Variants in AQP9 observed in about 807,000 individuals in gnomAD.
The protein encoded by AQP9 is aquaporin-9.
A neutral mutation model predicts 23.8 loss-of-function variants in AQP9; 19 were observed. That is an observed-to-expected ratio of 0.80 (90% CI 0.56 to 1.17). The LOEUF (loss-of-function observed/expected upper bound fraction) is 1.17. Ranked by LOEUF, AQP9 falls within the 50% of genes most tolerant of loss-of-function variation. The probability of loss-of-function intolerance (pLI) is 0.00; values close to 1 mark genes in which losing one functional copy is unlikely to be tolerated. For missense variants in AQP9, 413 were observed against 362.0 expected (o/e 1.14, Z -1.14); for synonymous variants, 153 against 131.5 (o/e 1.16, Z -1.12).
intron 5 of AQP9, among the ~76,000 whole-genome samples, chr15:58,181,200 TC>T (rs1898881724): frequency 6.6e-6 from 1 of 152,228 alleles, no homozygotes; most frequent in Admixed American, 6.5e-5. Flanking sequence ...TCACCTAATG[TC>T]CCATGTCCTT....
At chr15:58,179,367 G>T in intron 5 of AQP9, 22 bp downstream of exon 5, 1 of 1,587,606 alleles carries the variant, frequency 6.3e-7, no homozygotes, top group South Asian at 1.1e-5. Flanking sequence ...TGGTGGGGAA[G>T]AGAGAGACAG....
intron 4 of AQP9, among the ~76,000 whole-genome samples, chr15:58,176,814 T>A (rs1221254094): frequency 1.3e-5 from 2 of 152,032 alleles, no homozygotes; most frequent in African/African-American, 4.8e-5. Context: ...TTTCACCATG[T>A]TGGCCAGACT....
intron 1 of AQP9, among the ~76,000 whole-genome samples, chr15:58,160,936 C>A (rs1430980603): frequency 1.3e-5 from 2 of 152,164 alleles, no homozygotes; most frequent in Non-Finnish European, 2.9e-5. Flanking sequence ...GCTCAAAGGG[C>A]TCCAAGTGAC....
intron 4 of AQP9, among the ~76,000 whole-genome samples, chr15:58,176,224 T>C (rs531633688): frequency 1.3e-5 from 2 of 152,168 alleles, no homozygotes; most frequent in South Asian, 2.1e-4. Flanking sequence ...CAAAATAAGA[T>C]ATAATTAGAC....
chr15:58,182,062 G>A (rs1481647523), intron 5 of AQP9, among the ~76,000 whole-genome samples: 1 of 152,146 alleles, frequency 6.6e-6, no homozygotes, highest in African/African-American at 2.4e-5. Context: ...GTGGAATGAT[G>A]GCAGGTACAG....
chr15:58,141,280 C>A (rs1897948461), intron 1 of AQP9, among the ~76,000 whole-genome samples: 1 of 152,184 alleles, frequency 6.6e-6, no homozygotes, highest in Non-Finnish European at 1.5e-5. Flanking sequence ...ATACAGAGCT[C>A]ATCTTATTGA....
intron 1 of AQP9, among the ~76,000 whole-genome samples, chr15:58,149,481 G>T (rs1898109040): frequency 6.6e-6 from 1 of 152,150 alleles, no homozygotes; most frequent in African/African-American, 2.4e-5. Flanking sequence ...CTAAGCTTTG[G>T]TTTCCTAGTT....
chr15:58,149,407 C>T (rs1257100507), intron 1 of AQP9, among the ~76,000 whole-genome samples: 1 of 152,186 alleles, frequency 6.6e-6, no homozygotes, highest in African/African-American at 2.4e-5. Flanking sequence ...AAATCATGTG[C>T]AGTCAAACCT....
intron 1 of AQP9, among the ~76,000 whole-genome samples, chr15:58,157,033 C>T (rs914552322): frequency 1.2e-4 from 19 of 152,090 alleles, no homozygotes; most frequent in Non-Finnish European, 1.8e-4. Flanking sequence ...TACAAACACA[C>T]ATATATATGT....
chr15:58,155,198 G>A (rs1309969927), intron 1 of AQP9: 3 of 152,116 alleles, frequency 2.0e-5, no homozygotes, highest in Admixed American at 6.5e-5. Context: ...TGAATAATTC[G>A]TTATCTTCGT....
At chr15:58,144,911 G>A (rs1898014496) in intron 1 of AQP9, among the ~76,000 whole-genome samples, 1 of 151,446 alleles carries the variant, frequency 6.6e-6, no homozygotes, top group Admixed American at 6.6e-5. Flanking sequence ...CTACTCAGGA[G>A]GCTGAGGCAG....
At chr15:58,145,139 G>C (rs1488911271) in intron 1 of AQP9, among the ~76,000 whole-genome samples, 1 of 151,140 alleles carries the variant, frequency 6.6e-6, no homozygotes, top group Admixed American at 6.6e-5. Flanking sequence ...TCTTCCTTAT[G>C]TCCTCCTATT....
At chr15:58,179,929 G>A (rs1402360176) in intron 5 of AQP9, among the ~76,000 whole-genome samples, 1 of 152,192 alleles carries the variant, frequency 6.6e-6, no homozygotes, top group African/African-American at 2.4e-5. Flanking sequence ...TGCCAGGGAA[G>A]CAGGGAAAGA....
rs142159680 is a variant in AQP9, at chr15:58,179,158, G to A, written c.526G>A (p.Val176Ile). 1,758 of 1,613,542 alleles carry A rather than the reference G, an allele frequency of 1.1e-3. 3 individuals are homozygous for A. The highest frequency in any genetic ancestry group is 1.3e-3 in the Non-Finnish European group (1,563 of 1,179,484). ...GGCCACCATGATACTCCTCATAATC[G>A]TCTTTGCCATCTTTGACTCCAGAAA... ...VVATMILLII[V>I]FAIFDSRNLG... Residue 176 changes from valine to isoleucine, a missense_variant, in exon 5 of 6, where the codon GTC (valine) becomes ATC (isoleucine). By Grantham distance (29) the Val-to-Ile change is conservative. Transcript: ENST00000219919.
chr15:58,168,369 A>G (rs1158351307), intron 2 of AQP9, among the ~76,000 whole-genome samples: 1 of 152,194 alleles, frequency 6.6e-6, no homozygotes, highest in African/African-American at 2.4e-5. Flanking sequence ...ACAATGCTCT[A>G]TTATGAGAAG....
At chr15:58,142,246 C>T (rs1426096081) in intron 1 of AQP9, among the ~76,000 whole-genome samples, 1 of 152,294 alleles carries the variant, frequency 6.6e-6, no homozygotes, top group South Asian at 2.1e-4. Flanking sequence ...CGATCAACTG[C>T]ATTTTGCCAG....
intron 2 of AQP9, among the ~76,000 whole-genome samples, chr15:58,171,490 C>T (rs1403529826): frequency 6.6e-6 from 1 of 152,152 alleles, no homozygotes; most frequent in African/African-American, 2.4e-5. Context: ...CCCTGTGTGC[C>T]CCCTCCTCCC....
intron 1 of AQP9, among the ~76,000 whole-genome samples, chr15:58,148,598 G>A (rs1898092057): frequency 6.6e-6 from 1 of 152,190 alleles, no homozygotes; most frequent in South Asian, 2.1e-4. Flanking sequence ...CCCACTCAGA[G>A]TCACAGTTAT....
At chr15:58,174,222 G>A (rs532853969) in intron 3 of AQP9, among the ~76,000 whole-genome samples, 1 of 152,106 alleles carries the variant, frequency 6.6e-6, no homozygotes, top group East Asian at 1.9e-4. Context: ...GATCAAGGCT[G>A]CAGTGAGCCA....
Sources: gnomAD v4.1 joint callset for allele counts (sites outside exome capture counted in the v4.1 genomes callset) on GRCh38, gnomAD v4.1.1 for gene constraint, MANE v1.5 for transcripts, NCBI Gene and HGNC (gene_info 2026-07-23, HGNC 2026-07-21) for gene names.